PCDHA6: variants seen among roughly 807,000 people sequenced by gnomAD.
The protein encoded by PCDHA6 is protocadherin alpha-6.
In PCDHA6, 55 loss-of-function variants were observed where a neutral mutation model predicts 60.3. That is an observed-to-expected ratio of 0.91 (90% CI 0.73 to 1.14). The LOEUF (loss-of-function observed/expected upper bound fraction) is 1.14, where lower values mean the gene tolerates loss of function less well. Among genes scored for constraint, PCDHA6 ranks in the 50% most tolerant of loss-of-function variants. The pLI, the probability that PCDHA6 is intolerant of heterozygous loss-of-function variation, is 0.00. For missense variants in PCDHA6, 1,327 were observed against 1,256.5 expected (o/e 1.06, Z -0.85); for synonymous variants, 652 against 557.9 (o/e 1.17, Z -2.38).
chr5:140,993,562 C>G (rs1233872464), intron 3 of PCDHA6, among the ~76,000 whole-genome samples: 3 of 150,520 alleles, frequency 2.0e-5, no homozygotes, highest in Non-Finnish European at 4.4e-5. Flanking sequence ...TATATAGTAT[C>G]CTTTCTAGGG....
In PCDHA6 at chr5:140,830,386, C is replaced by G. The variant is rs1771037269; in HGVS notation, c.2295C>G (p.Pro765=). The change falls in exon 1 of 4, where the codon CCC becomes CCG. Residue 765 remains proline, a synonymous_variant. Transcript: ENST00000529310. ...RQRVCSGEGP[P]KMDLMAFSPS... ...GGGTGTGCTCCGGGGAGGGCCCACC[C>G]AAGATGGATCTCATGGCCTTTAGCC... The G allele has an allele frequency of 6.2e-6, 10 of 1,614,032 alleles. No individual in the cohort carries two copies. The highest frequency in any genetic ancestry group is 8.5e-6 in the Non-Finnish European group (10 of 1,180,010).
At chr5:140,964,266 A>G (rs1408040035) in intron 1 of PCDHA6, among the ~76,000 whole-genome samples, 1 of 152,230 alleles carries the variant, frequency 6.6e-6, no homozygotes, top group Admixed American at 6.5e-5. Context: ...CTCCTTAATA[A>G]TTAAGGCAGT....
At chr5:140,849,920 C>A in intron 1 of PCDHA6, 1 of 1,598,384 alleles carries the variant, frequency 6.3e-7, no homozygotes, top group Non-Finnish European at 8.6e-7. Context: ...GCCACATCTT[C>A]ACGGTGTCTG....
At chr5:140,947,252 T>A (rs1554218120) in intron 1 of PCDHA6, among the ~76,000 whole-genome samples, 1 of 151,596 alleles carries the variant, frequency 6.6e-6, no homozygotes, top group Non-Finnish European at 1.5e-5. Flanking sequence ...GATAATCCAA[T>A]GTACCATTTG....
chr5:140,915,363 G>C (rs1554196864), intron 1 of PCDHA6, among the ~76,000 whole-genome samples: 1 of 152,136 alleles, frequency 6.6e-6, no homozygotes, highest in Non-Finnish European at 1.5e-5. Context: ...ATTCTTACCA[G>C]TAAGTGTCTC....
At chr5:140,928,076 A>G (rs2084914697) in intron 1 of PCDHA6, 1 of 1,614,142 alleles carries the variant, frequency 6.2e-7, no homozygotes. Context: ...GACAACTACT[A>G]CAGCCTGCTG....
chr5:140,887,004 C>T (rs1341039143), intron 1 of PCDHA6, among the ~76,000 whole-genome samples: 1 of 152,066 alleles, frequency 6.6e-6, no homozygotes, highest in African/African-American at 2.4e-5. Flanking sequence ...GTTGGTATCA[C>T]TTTCCTACTG....
chr5:140,879,685 A>G (rs2058084553), intron 1 of PCDHA6, among the ~76,000 whole-genome samples: 1 of 152,266 alleles, frequency 6.6e-6, no homozygotes, highest in East Asian at 1.9e-4. Flanking sequence ...GCTGTAAAAC[A>G]GCAAAAGTTT....
chr5:140,845,157 C>T (rs1273679091), intron 1 of PCDHA6, among the ~76,000 whole-genome samples: 6 of 149,288 alleles, frequency 4.0e-5, no homozygotes, highest in Non-Finnish European at 7.5e-5. Context: ...TGTGTAAAAG[C>T]GAATTGTTTT....
intron 1 of PCDHA6, among the ~76,000 whole-genome samples, chr5:140,918,875 T>G (rs1283138930): frequency 2.0e-5 from 3 of 152,188 alleles, no homozygotes; most frequent in African/African-American, 7.2e-5. Context: ...CTTTCAAGCC[T>G]CTAGAACAGT....
chr5:140,843,243 A>G, intron 1 of PCDHA6: 2 of 1,595,128 alleles, frequency 1.3e-6, no homozygotes, highest in Non-Finnish European at 1.7e-6. Context: ...GACGAAGCGG[A>G]CTCTCCGCGC....
In PCDHA6 at chr5:140,828,283, C is replaced by T; in HGVS notation, c.192C>T (p.Phe64=). 1.2e-6 allele frequency: 2 copies of T among 1,614,118 alleles called. No homozygotes were observed. Among genetic ancestry groups the T allele is most frequent in the Non-Finnish European group, 8.5e-7 (1 of 1,180,048 alleles). Residue 64 remains phenylalanine (F), a synonymous_variant, in exon 1 of 4, where the codon TTC becomes TTT. Transcript: ENST00000529310. The part of the protein sequence containing the change: ...LELAELVPRL[F]RMASKDREDL... ...TGGCGGAGCTGGTGCCGCGCCTGTT[C>T]AGGATGGCCTCCAAAGACCGCGAGG...
chr5:140,884,003 G>A, intron 1 of PCDHA6: 4 of 1,613,086 alleles, frequency 2.5e-6, no homozygotes, highest in African/African-American at 1.3e-5. Flanking sequence ...CACAGTGAGC[G>A]AGCTGATGCC....
intron 1 of PCDHA6, among the ~76,000 whole-genome samples, chr5:140,944,057 G>A (rs1394005045): frequency 1.3e-5 from 2 of 152,130 alleles, no homozygotes; most frequent in African/African-American, 4.8e-5. Context: ...GATACAAAAA[G>A]GTTTCTTGTT....
intron 1 of PCDHA6, among the ~76,000 whole-genome samples, chr5:140,935,702 T>C (rs975188692): frequency 1.3e-5 from 2 of 152,152 alleles, no homozygotes; most frequent in Admixed American, 1.3e-4. Context: ...AATAAACTTA[T>C]AAAACAAAAT....
At chr5:140,844,242 G>A (rs2150369958) in intron 1 of PCDHA6, among the ~76,000 whole-genome samples, 3,371 of 149,312 alleles carry the variant, frequency 0.023, 302 homozygotes, top group African/African-American at 0.077. Flanking sequence ...CACTATTGCC[G>A]TTTTAAGCAG....
chr5:140,946,611 AATAT>A (rs1554217734), intron 1 of PCDHA6, among the ~76,000 whole-genome samples: 10 of 86,794 alleles, frequency 1.2e-4, no homozygotes, highest in Admixed American at 4.7e-4. Flanking sequence ...GAAAATGTGA[AATAT>A]ATATATATAT....
At chr5:140,884,794 A>G in intron 1 of PCDHA6, 1 of 1,280,100 alleles carries the variant, frequency 7.8e-7, no homozygotes, top group East Asian at 2.6e-5. Flanking sequence ...TTGTTATCGA[A>G]TTTAACAACT....
chr5:140,842,552 A>T, intron 1 of PCDHA6: 1 of 1,596,224 alleles, frequency 6.3e-7, no homozygotes, highest in Non-Finnish European at 8.6e-7. Flanking sequence ...GGTGCTGGAC[A>T]GCGCCCTGGA....
Sources: allele counts gnomAD v4.1 joint callset (sites outside exome capture counted in the v4.1 genomes callset), GRCh38; gene constraint gnomAD v4.1.1; transcripts MANE v1.5; gene names NCBI Gene and HGNC (gene_info 2026-07-23, HGNC 2026-07-21).